The following KDM1B variants were observed in gnomAD, a reference collection of about 807,000 sequenced individuals.
KDM1B encodes lysine demethylase 1B, also known as lysine-specific histone demethylase 2.
Under a neutral mutation model 107.4 loss-of-function variants are expected in KDM1B, and 63 were observed. That is an observed-to-expected ratio of 0.59 (90% CI 0.48 to 0.72). KDM1B has a LOEUF of 0.72. KDM1B is among the 30% of genes least tolerant of loss of function. The pLI, the probability that KDM1B is intolerant of heterozygous loss-of-function variation, is 0.00. For missense variants in KDM1B, 749 were observed against 1,020.8 expected, an observed-to-expected ratio of 0.73 and a Z score of 3.63; for synonymous variants, 363 against 363.9, an observed-to-expected ratio of 1.00 and a Z score of 0.03.
intron 7 of KDM1B, among the ~76,000 whole-genome samples, chr6:18,171,899 CAGG>C: frequency 6.6e-6 from 1 of 152,310 alleles, no homozygotes; most frequent in South Asian, 2.1e-4. Context: ...CTGGGGGAAA[CAGG>C]AGCTTTCCTG....
At chr6:18,187,087 C>T (rs900075340) in intron 8 of KDM1B, among the ~76,000 whole-genome samples, 3 of 151,830 alleles carry the variant, frequency 2.0e-5, no homozygotes, top group Non-Finnish European at 2.9e-5. Flanking sequence ...AAAAGCCTGT[C>T]TACCATGGAT....
chr6:18,161,242 C>T, intron 3 of KDM1B, 85 bp from the exon 4 acceptor site: 2 of 1,272,970 alleles, frequency 1.6e-6, no homozygotes, highest in Non-Finnish European at 1.1e-6. Context: ...GTTTAGAACT[C>T]AGCTGTGATT....
At chr6:18,156,773 C>T (rs529435943) in intron 2 of KDM1B, among the ~76,000 whole-genome samples, 3 of 152,008 alleles carry the variant, frequency 2.0e-5, no homozygotes, top group South Asian at 4.2e-4. Flanking sequence ...AAAAATTAGC[C>T]GGACGTGGTG....
chr6:18,212,219 ACAGGCAT>A lies in KDM1B; in HGVS notation c.1867-268_1867-262del. ...CTCGGCCTCTCAAAGTGCTGGGATT[ACAGGCAT>A]GAGCCACCGCACCTGGCCTCTGCTG... is the stretch of plus-strand genomic sequence containing the variant. On this transcript the variant is annotated intron_variant, in intron 17 of 21. Coordinates refer to ENST00000650836, the MANE Select transcript of KDM1B (RefSeq NM_001364614.2). The surrounding 1 kb of genome is among the most constrained non-coding windows in gnomAD (Gnocchi z 5.2). 2.6e-6 allele frequency: 1 copy of A among 383,644 alleles called. No individual in the cohort carries two copies. Among genetic ancestry groups the A allele is most frequent in the South Asian group, 2.9e-5 (1 of 34,536 alleles). 23.8% of individuals were successfully genotyped at this position (383,644 alleles called of 1,614,324 possible). A position where few individuals can be genotyped will look rare whatever the true frequency, so the allele number is the denominator to read the frequency against.
At position 18,197,563 on chromosome 6, in the gene KDM1B, A is replaced by T. The variant is rs1317913354; in HGVS notation, c.1147-24A>T. 5 of 1,592,676 alleles carry T rather than the reference A, an allele frequency of 3.1e-6. No individual in the cohort carries two copies. In the South Asian group the frequency reaches 5.5e-5, roughly 18 times the overall value. ...CGTTGTTATCATCTGCTCTAATTGG[A>T]CTTTTGTTTCTTTTCTTTTTAAGAA... On this transcript the variant is annotated intron_variant, in intron 11 of 21. Coordinates refer to ENST00000650836, the MANE Select transcript of KDM1B (RefSeq NM_001364614.2). This position sits in a 1 kb window ranked among gnomAD's most constrained non-coding sequence, Gnocchi z 4.5.
chr6:18,190,792 C>T (rs1026369258), intron 9 of KDM1B, among the ~76,000 whole-genome samples: 1 of 151,406 alleles, frequency 6.6e-6, no homozygotes, highest in South Asian at 2.1e-4. Flanking sequence ...CCCAGCTACT[C>T]AAGAAGCTGA....
At chr6:18,192,030 A>T (rs1787310931) in intron 10 of KDM1B, among the ~76,000 whole-genome samples, 1 of 152,158 alleles carries the variant, frequency 6.6e-6, no homozygotes, top group African/African-American at 2.4e-5. Context: ...AGGCTGAGGC[A>T]GGAGGATCGC....
rs1177376625 is a variant in KDM1B, at chr6:18,172,538, A to G, written c.534+1059A>G. On this transcript the variant is annotated intron_variant, in intron 7 of 21. Coordinates refer to ENST00000650836, the MANE Select transcript of KDM1B (RefSeq NM_001364614.2). This position sits in a 1 kb window ranked among gnomAD's most constrained non-coding sequence, Gnocchi z 5.2. ...GGAAATGTTCACTGGAGCATTTTAGATTTTCAGATTAGGGATGCCCAACCA... is the reference window on the plus strand; with the variant it reads ...GGAAATGTTCACTGGAGCATTTTAGGTTTTCAGATTAGGGATGCCCAACCA... Among the ~76,000 whole-genome samples, 1 of 152,078 alleles carries G rather than the reference A, an allele frequency of 6.6e-6. No individual in the cohort carries two copies. Among genetic ancestry groups the G allele is most frequent in the Non-Finnish European group, 1.5e-5 (1 of 68,016 alleles).
chr6:18,218,088 C>T (rs987878984), intron 21 of KDM1B, among the ~76,000 whole-genome samples: 10 of 151,888 alleles, frequency 6.6e-5, no homozygotes, highest in Non-Finnish European at 8.8e-5. Flanking sequence ...GACTTCACTT[C>T]ATATTTTAAA....
intron 8 of KDM1B, 59 bp downstream of exon 8, chr6:18,185,869 C>G (rs893949078): frequency 3.1e-5 from 46 of 1,493,208 alleles, no homozygotes; most frequent in Non-Finnish European, 4.0e-5. Flanking sequence ...ATAAGTGTTA[C>G]AAGGAAATGA....
rs1320713289 is a variant in KDM1B, at chr6:18,172,972, C to G, written c.534+1493C>G. Among the ~76,000 whole-genome samples, 1 of 151,744 alleles carries G rather than the reference C, an allele frequency of 6.6e-6. No individual in the cohort carries two copies. The highest frequency in any genetic ancestry group is 1.5e-5 in the Non-Finnish European group (1 of 67,980). On this transcript the variant is annotated intron_variant, in intron 7 of 21. Coordinates refer to ENST00000650836, the MANE Select transcript of KDM1B (RefSeq NM_001364614.2). The surrounding 1 kb of genome is among the most constrained non-coding windows in gnomAD (Gnocchi z 5.2). Reference sequence around the variant, plus strand: ...CAGTGTGGTGGCATGTGCTTGTAATCTCAGCTACTCGGGAGGCTAAGGTAG... The same window carrying G: ...CAGTGTGGTGGCATGTGCTTGTAATGTCAGCTACTCGGGAGGCTAAGGTAG...
In KDM1B at chr6:18,213,391, G is replaced by A. The variant is rs73366523; in HGVS notation, c.1984-265G>A. 0.029 allele frequency among the ~76,000 whole-genome samples: 4,323 copies of A among 150,270 alleles called. 164 individuals are homozygous for A. The highest frequency in any genetic ancestry group is 0.089 in the African/African-American group (3,620 of 40,848). On this transcript the variant is annotated intron_variant, in intron 18 of 21. Coordinates refer to ENST00000650836, the MANE Select transcript of KDM1B (RefSeq NM_001364614.2). The surrounding 1 kb of genome is among the most constrained non-coding windows in gnomAD (Gnocchi z 5.9). ...GTGGAGGCTGCAGTGAGCCAAGATC[G>A]CTCCATTGCACTCCCAGCTGGGCAA...
intron 20 of KDM1B, 90 bp downstream of exon 20, chr6:18,215,219 A>G: frequency 6.9e-7 from 1 of 1,440,266 alleles, no homozygotes; most frequent in Non-Finnish European, 9.3e-7. Flanking sequence ...GTCACTGAGA[A>G]TCACAGGAAG....
intron 4 of KDM1B, among the ~76,000 whole-genome samples, 162 bp downstream of exon 4, chr6:18,161,616 C>T (rs1044979151): frequency 2.6e-5 from 4 of 152,026 alleles, no homozygotes; most frequent in Non-Finnish European, 5.9e-5. Flanking sequence ...CACACCACAC[C>T]CTCCTCAAGG....
intron 8 of KDM1B, 42 bp from the exon 9 acceptor site, chr6:18,187,750 T>C (rs1786972087): frequency 7.6e-7 from 1 of 1,320,842 alleles, no homozygotes; most frequent in Non-Finnish European, 1.1e-6. Context: ...GTACATTTCT[T>C]GTCTGTCCTT....
At chr6:18,183,905 C>T (rs1054568729) in intron 7 of KDM1B, among the ~76,000 whole-genome samples, 1 of 151,996 alleles carries the variant, frequency 6.6e-6, no homozygotes. Context: ...TTGCCTGGCA[C>T]AAGGACAAGA....
At chr6:18,176,373 C>T (rs565304068) in intron 7 of KDM1B, among the ~76,000 whole-genome samples, 3 of 152,122 alleles carry the variant, frequency 2.0e-5, no homozygotes, top group South Asian at 2.1e-4. Flanking sequence ...TTAGGATTTT[C>T]GGGGTAAACG....
At chr6:18,207,294 C>T in intron 15 of KDM1B, 104 bp from the exon 16 acceptor site, 3 of 1,297,990 alleles carry the variant, frequency 2.3e-6, no homozygotes, top group South Asian at 2.5e-5. Context: ...GTCCCCTGCC[C>T]TCCTGCCTTG....
rs1364096564 is a variant in KDM1B, at chr6:18,203,907, T to C, written c.1532-1630T>C. Reference sequence around the variant, plus strand: ...CCTCTCTCAGTCTGTTTATACACTATCTTAGCAATCTTGGTTTTTCTCCCC... The same window carrying C: ...CCTCTCTCAGTCTGTTTATACACTACCTTAGCAATCTTGGTTTTTCTCCCC... On this transcript the variant is annotated intron_variant, in intron 14 of 21. Transcript: ENST00000650836. The surrounding 1 kb of genome is among the most constrained non-coding windows in gnomAD (Gnocchi z 5.5). Among the ~76,000 whole-genome samples, 1 of 150,938 alleles carries C rather than the reference T, an allele frequency of 6.6e-6. No homozygotes were observed. Among genetic ancestry groups the C allele is most frequent in the Non-Finnish European group, 1.5e-5 (1 of 67,886 alleles).
Sources: allele counts gnomAD v4.1 joint callset (sites outside exome capture counted in the v4.1 genomes callset), GRCh38; gene constraint gnomAD v4.1.1; non-coding constraint Gnocchi (gnomAD v3.1); transcripts MANE v1.5; gene names NCBI Gene and HGNC (gene_info 2026-07-23, HGNC 2026-07-21).